The following BRD9 variants were observed in gnomAD, a reference collection of about 807,000 sequenced individuals.
BRD9 encodes bromodomain-containing protein 9.
BRD9 carries 47 observed loss-of-function variants against 68.7 expected under a neutral mutation model. The observed-to-expected ratio is 0.68, with a 90% CI of 0.54 to 0.87. BRD9 has a LOEUF of 0.87. BRD9 is among the 40% of genes least tolerant of loss of function. The pLI is 0.00. For synonymous variants in BRD9, 313 were observed against 293.9 expected (o/e 1.06, Z -0.67); for missense variants, 670 against 748.4 (o/e 0.90, Z 1.22).
At chr5:875,264 G>A (rs1016429496) in intron 12 of BRD9, among the ~76,000 whole-genome samples, 2 of 151,928 alleles carry the variant, frequency 1.3e-5, no homozygotes, top group African/African-American at 2.4e-5. Context: ...CTGGCTTGTG[G>A]TCTGTACAAA....
chr5:884,001 C>T lies in BRD9; in HGVS notation c.903G>A (p.Ala301=), dbSNP rs767112411. Residue 301 remains alanine, a synonymous_variant, in exon 8 of 16, where the codon GCG becomes GCA. Transcript: ENST00000467963. ...TDSTAEEHVL[A]LVEHAADEAR... ...CTTCGTCAGCTGCGTGCTCCACCAG[C>T]GCCAGCACGTGCTCCTCTGCGGTAC... is the stretch of plus-strand genomic sequence containing the variant. 2.2e-5 allele frequency: 36 copies of T among 1,613,752 alleles called. No homozygotes were observed. The South Asian group carries it at 2.3e-4, about 10-fold the overall frequency.
Position 887,370 on chromosome 5 carries a change from C to G in BRD9, c.708G>C (p.Met236Ile). 6.2e-7 allele frequency: 1 copy of G among 1,612,026 alleles called. No individual in the cohort carries two copies. Among genetic ancestry groups the G allele is most frequent in the Non-Finnish European group, 8.5e-7 (1 of 1,178,254 alleles). The part of the protein sequence containing the change: ...AKKILHAGFK[M>I]MSKQAALLGN... ...CCAGTGAGTTTCTTACTTTGCTCATCATCTTAAAGCCTGCGTGAAGGATCT... is the reference window on the plus strand; with the variant it reads ...CCAGTGAGTTTCTTACTTTGCTCATGATCTTAAAGCCTGCGTGAAGGATCT... The change falls in exon 6 of 16, where the codon ATG becomes ATC. Residue 236 changes from methionine (M) to isoleucine (I), a missense_variant. Met to Ile is a conservative substitution (Grantham distance 10). This residue lies in a region of BRD9 where 94 missense variants were observed against 157.2 expected (regional missense o/e 0.60). Transcript: ENST00000467963.
intron 4 of BRD9, 118 bp downstream of exon 4, chr5:889,469 C>T (rs900014533): frequency 1.8e-6 from 2 of 1,142,230 alleles, no homozygotes; most frequent in African/African-American, 3.2e-5. Context: ...TGGGAGTCAC[C>T]AAGAGAAGGT....
Position 892,477 on chromosome 5 carries a change from C to G in BRD9, c.52+129G>C. On this transcript the variant is annotated intron_variant, in intron 1 of 15. Coordinates refer to ENST00000467963, the MANE Select transcript of BRD9 (RefSeq NM_023924.5). ...CCCGAAATCCCAGGACCCCCTCCCG[C>G]GTGCCCAGAACCCCTCCCTCGTGGC... 2.8e-6 allele frequency: 4 copies of G among 1,442,538 alleles called. No individual in the cohort carries two copies. The East Asian group carries it at 8.5e-5, about 30-fold the overall frequency. The allele number at this position is 1,442,538 out of a possible 1,614,324, so 89.4% of individuals were successfully genotyped here. A position where few individuals can be genotyped will look rare whatever the true frequency, so the allele number is the denominator to read the frequency against.
At chr5:867,062 T>C (rs1301065316) in intron 14 of BRD9, among the ~76,000 whole-genome samples, 1 of 152,164 alleles carries the variant, frequency 6.6e-6, no homozygotes, top group Non-Finnish European at 1.5e-5. Flanking sequence ...CACTACTCTG[T>C]GAAGCACTGG....
In BRD9 at chr5:883,943, C is replaced by T. The variant is rs765272798; in HGVS notation, c.961G>A (p.Gly321Ser). 64 of 1,611,758 alleles carry T rather than the reference C, an allele frequency of 4.0e-5. No homozygotes were observed. Among genetic ancestry groups the T allele is most frequent in the Admixed American group, 1.2e-4 (7 of 60,004 alleles). Residue 321 changes from glycine (G) to serine (S), a missense_variant, in exon 8 of 16, where the codon GGC (glycine) becomes AGC (serine). Coordinates refer to ENST00000467963, the MANE Select transcript of BRD9 (RefSeq NM_023924.5). ...CGGTGGCCACAGAGCACTACCTTGC[C>T]GCCTGGGAGGAACCGGTTGATCCTG... The part of the protein sequence containing the change: ...RDRINRFLPG[G>S]KMGYLKRNGD...
chr5:866,654 G>C (rs1403197900), intron 14 of BRD9, among the ~76,000 whole-genome samples: 2 of 152,190 alleles, frequency 1.3e-5, no homozygotes, highest in Non-Finnish European at 2.9e-5. Context: ...TTCTTTAGGA[G>C]AGACTGACAG....
At chr5:876,321 G>A (rs73733914) in intron 11 of BRD9, 109 bp from the exon 12 acceptor site, 10 of 751,848 alleles carry the variant, frequency 1.3e-5, no homozygotes, top group East Asian at 8.2e-5. Context: ...CTCGGTCCCC[G>A]TGACCCTCCC....
At chr5:892,566 G>A (rs1468318068) in intron 1 of BRD9, 40 bp downstream of exon 1, 1 of 1,531,164 alleles carries the variant, frequency 6.5e-7, no homozygotes, top group Admixed American at 2.0e-5. Flanking sequence ...CCGTGCCCGG[G>A]ACCCCGCCCG....
Position 870,574 on chromosome 5 carries a change from A to T in BRD9, c.1424T>A (p.Val475Asp), listed in dbSNP as rs953262458. 1 of 1,608,786 alleles carries T rather than the reference A, an allele frequency of 6.2e-7. No homozygotes were observed. The highest frequency in any genetic ancestry group is 1.3e-5 in the African/African-American group (1 of 74,940). The stretch of plus-strand genomic sequence containing the variant: ...GCTGCTGTCTCCTAGGGTGTCCCCA[A>T]CCTGTGGAGACAGACACACATCAAG... ...VPMKPPDEAK[V>D]GDTLGDSSSS... The change falls in exon 14 of 16, where the codon GTT becomes GAT. Residue 475 changes from valine (V) to aspartate (D), a missense_variant and splice_region_variant. By Grantham distance (152) the Val-to-Asp change is radical (BLOSUM62 -3). This residue lies in a region of BRD9 where 280 missense variants were observed against 281.5 expected (regional missense o/e 0.99). Transcript: ENST00000467963.
chr5:883,901 C>T, intron 8 of BRD9, 37 bp downstream of exon 8: 6 of 1,599,008 alleles, frequency 3.8e-6, no homozygotes, highest in Non-Finnish European at 5.1e-6. Flanking sequence ...AGTCTGGGGC[C>T]ACGTGGCACC....
At chr5:889,459 T>C in intron 4 of BRD9, 128 bp downstream of exon 4, 1 of 1,033,210 alleles carries the variant, frequency 9.7e-7, no homozygotes, top group Non-Finnish European at 1.4e-6. Flanking sequence ...CGAAGTGGAC[T>C]GGGAGTCACC....
intron 9 of BRD9, 118 bp downstream of exon 9, chr5:880,989 C>G: frequency 9.7e-7 from 1 of 1,035,434 alleles, no homozygotes; most frequent in Non-Finnish European, 1.4e-6. Flanking sequence ...GGTCGGGAAG[C>G]CGGGCAGCCT....
rs139057857 is a variant in BRD9 at position 878,334 on chromosome 5, C to T, written c.1271+21G>A. On this transcript the variant is annotated intron_variant, in intron 11 of 15. Coordinates refer to ENST00000467963, the MANE Select transcript of BRD9 (RefSeq NM_023924.5). ...GCTCAAGCTGCACAGCAGCCAAGGG[C>T]TCCCCGGGGCCGACACTTGCCTCAG... 5.9e-5 allele frequency: 95 copies of T among 1,611,958 alleles called. No homozygotes were observed. In the East Asian group the frequency reaches 2.1e-3, roughly 35 times the overall value.
intron 6 of BRD9, chr5:886,975 G>T: frequency 1.8e-6 from 1 of 545,688 alleles, no homozygotes; most frequent in Non-Finnish European, 3.3e-6. Flanking sequence ...TCTCCTACGT[G>T]GGATGCATGC....
At chr5:892,480 G>C in intron 1 of BRD9, 126 bp downstream of exon 1, 1 of 1,448,976 alleles carries the variant, frequency 6.9e-7, no homozygotes, top group East Asian at 2.8e-5. Flanking sequence ...CCTCCCGCGT[G>C]CCCAGAACCC....
At chr5:892,423 A>G in intron 1 of BRD9, 183 bp downstream of exon 1, 1 of 1,343,542 alleles carries the variant, frequency 7.4e-7, no homozygotes, top group Admixed American at 3.1e-5. Flanking sequence ...GCGCCTACCC[A>G]GGACCCCTCA....
Position 886,691 on chromosome 5 carries a change from C to A in BRD9, c.734G>T (p.Gly245Val). The A allele has an allele frequency of 6.2e-7, 1 of 1,614,152 alleles. No individual in the cohort carries two copies. Among genetic ancestry groups the A allele is most frequent in the East Asian group, 2.2e-5 (1 of 44,878 alleles). ...KMMSKQAALL[G>V]NEDTAVEEPV... ...TTCCTCAACAGCTGTATCTTCATTG[C>A]CCAAAAGAGCTGCCTGCTGAGAAAA... Residue 245 changes from glycine (G) to valine (V), a missense_variant, in exon 7 of 16, where the codon GGC becomes GTC. This residue lies in a region of BRD9 where 135 missense variants were observed against 141.2 expected (regional missense o/e 0.96). Transcript: ENST00000467963.
chr5:871,038 A>T (rs749502283), intron 13 of BRD9, among the ~76,000 whole-genome samples: 2 of 152,204 alleles, frequency 1.3e-5, no homozygotes, highest in Admixed American at 6.5e-5. Context: ...CTCTGCCCTC[A>T]AACAGATGTT....
Sources: gnomAD v4.1 joint callset for allele counts (sites outside exome capture counted in the v4.1 genomes callset) on GRCh38, gnomAD v4.1.1 for gene constraint, gnomAD v4.1.1 regional missense constraint, MANE v1.5 for transcripts, NCBI Gene and HGNC (gene_info 2026-07-23, HGNC 2026-07-21) for gene names.